TTLL9: variants seen among roughly 807,000 people sequenced by gnomAD.
The protein encoded by TTLL9 is tubulin tyrosine ligase like 9.
In TTLL9, 47 loss-of-function variants were observed where a neutral mutation model predicts 65.6. The observed-to-expected ratio is 0.72, with a 90% CI of 0.57 to 0.91. The LOEUF (loss-of-function observed/expected upper bound fraction) is 0.91, where lower values mean the gene tolerates loss of function less well. Ranked by LOEUF, TTLL9 falls within the 40% of genes least tolerant of loss-of-function variation. The pLI is 0.00. For synonymous variants in TTLL9, 179 were observed against 204.8 expected (o/e 0.87, Z 1.07); for missense variants, 537 against 568.8 (o/e 0.94, Z 0.57).
chr20:31,885,049 A>T (rs531556299), intron 2 of TTLL9, among the ~76,000 whole-genome samples: 78 of 152,360 alleles, frequency 5.1e-4, no homozygotes, highest in Admixed American at 3.3e-4. Flanking sequence ...ATAGAAAAAA[A>T]TTTTTAAAAG....
At chr20:31,923,128 A>T (rs1454344530) in intron 8 of TTLL9, 75 bp downstream of exon 8, 1 of 1,208,084 alleles carries the variant, frequency 8.3e-7, no homozygotes, top group African/African-American at 1.5e-5. Context: ...TTTGACCAGC[A>T]GCCTGCCAAG....
chr20:31,904,102 T>C (rs1166461965), intron 4 of TTLL9, among the ~76,000 whole-genome samples: 1 of 152,244 alleles, frequency 6.6e-6, no homozygotes, highest in Non-Finnish European at 1.5e-5. Flanking sequence ...TTGGCAAGAA[T>C]ACCACAGAAG....
chr20:31,908,203 ACG>A (rs140299749), intron 4 of TTLL9, among the ~76,000 whole-genome samples: 1,863 of 152,304 alleles, frequency 0.012, 27 homozygotes, highest in African/African-American at 0.042. Flanking sequence ...TGCGGGCTGC[ACG>A]CGTGGCAACT....
At position 31,871,171 on chromosome 20, in the gene TTLL9, C is replaced by G; in HGVS notation, c.45C>G (p.Ala15=). Residue 15 remains alanine, a synonymous_variant, in exon 2 of 15, where the codon GCC becomes GCG. Transcript: ENST00000535842. Reference sequence around the variant, plus strand: ...CTCTGCTGGGACCAGGCACAACTGCCATTAGGTGCCCCAAGAAATTACAGG... The same window carrying G: ...CTCTGCTGGGACCAGGCACAACTGCGATTAGGTGCCCCAAGAAATTACAGG... The part of the protein sequence containing the change: ...REALLGPGTT[A]IRCPKKLQNQ... The G allele has an allele frequency of 6.2e-7, 1 of 1,614,118 alleles. No homozygotes were observed. Among genetic ancestry groups the G allele is most frequent in the South Asian group, 1.1e-5 (1 of 91,080 alleles).
intron 3 of TTLL9, among the ~76,000 whole-genome samples, chr20:31,890,240 T>G (rs1397564645): frequency 1.3e-5 from 2 of 148,768 alleles, no homozygotes; most frequent in African/African-American, 5.0e-5. Context: ...TCCCAGGAAC[T>G]TACCCTTTCT....
intron 2 of TTLL9, among the ~76,000 whole-genome samples, chr20:31,885,913 C>T (rs899324847): frequency 4.6e-5 from 7 of 152,226 alleles, no homozygotes; most frequent in African/African-American, 1.4e-4. Flanking sequence ...AACAAATTTG[C>T]ATGTTGTGAA....
intron 4 of TTLL9, among the ~76,000 whole-genome samples, chr20:31,902,854 T>C (rs942807899): frequency 2.6e-5 from 4 of 152,062 alleles, no homozygotes; most frequent in African/African-American, 9.7e-5. Context: ...CTCGTTATTA[T>C]TCATCCATTT....
chr20:31,901,135 C>T (rs1377118192), intron 4 of TTLL9: 1 of 152,310 alleles, frequency 6.6e-6, no homozygotes, highest in Non-Finnish European at 1.5e-5. Context: ...CAGATGTGGC[C>T]AGAGCTGTCC....
At chr20:31,919,812 C>A (rs1462900785) in intron 6 of TTLL9, 52 bp from the exon 7 acceptor site, 2 of 1,465,988 alleles carry the variant, frequency 1.4e-6, no homozygotes, top group Non-Finnish European at 1.8e-6. Context: ...CGGGGGCCAA[C>A]AAGGAACCAC....
At chr20:31,942,649 C>T (rs1341593153) in intron 14 of TTLL9, among the ~76,000 whole-genome samples, 1 of 152,226 alleles carries the variant, frequency 6.6e-6, no homozygotes, top group Non-Finnish European at 1.5e-5. Context: ...ACAAATCCAT[C>T]CACATTCAGC....
intron 14 of TTLL9, chr20:31,940,899 G>T (rs6058497): frequency 0.35 from 53,907 of 151,984 alleles, 11,571 homozygotes; most frequent in African/African-American, 0.6. Context: ...ATTTGCTGGT[G>T]TAGCCCAGTC....
chr20:31,931,134 C>T (rs2064002383), intron 10 of TTLL9, among the ~76,000 whole-genome samples: 1 of 144,514 alleles, frequency 6.9e-6, no homozygotes, highest in African/African-American at 2.6e-5. Flanking sequence ...GGCTGGAGTG[C>T]AGTGGCACAA....
chr20:31,903,776 C>G (rs1393005062), intron 4 of TTLL9, among the ~76,000 whole-genome samples: 1 of 152,168 alleles, frequency 6.6e-6, no homozygotes, highest in Non-Finnish European at 1.5e-5. Flanking sequence ...GTTTTACCAC[C>G]TTTCCCTGTT....
At chr20:31,890,100 C>CCCTT (rs1286424316) in intron 3 of TTLL9, among the ~76,000 whole-genome samples, 2,380 of 49,638 alleles carry the variant, frequency 0.048, 235 homozygotes, top group Middle Eastern at 0.088. Flanking sequence ...TTCTTTCCCT[C>CCCTT]CCTTCCTTCC....
intron 3 of TTLL9, among the ~76,000 whole-genome samples, chr20:31,892,993 G>A (rs898891139): frequency 6.6e-6 from 1 of 151,898 alleles, no homozygotes; most frequent in African/African-American, 2.4e-5. Context: ...TTAAGACATG[G>A]AAGAAAGTAT....
At position 31,870,906 on chromosome 20, in the gene TTLL9, G is replaced by C. The variant is rs1160089615; in HGVS notation, c.-49G>C. On this transcript the variant is annotated 5_prime_UTR_variant, in exon 1 of 15. Coordinates refer to ENST00000535842, the MANE Select transcript of TTLL9 (RefSeq NM_001008409.5). The surrounding 1 kb of genome is among the most constrained non-coding windows in gnomAD (Gnocchi z 6.6). ...AACGTGACGGGGCTGGACTTTGATC[G>C]CCGAGGGCTCTCTGCTCTTCAGAGT... The C allele has an allele frequency of 5.2e-6, 3 of 580,756 alleles. No individual in the cohort carries two copies. The highest frequency in any genetic ancestry group is 9.2e-6 in the Non-Finnish European group (3 of 326,854). The allele number at this position is 580,756 out of a possible 1,614,324, so 36.0% of individuals were successfully genotyped here.
intron 8 of TTLL9, 129 bp from the exon 9 acceptor site, chr20:31,924,880 T>A: frequency 1.0e-6 from 1 of 1,002,136 alleles, no homozygotes; most frequent in East Asian, 2.7e-5. Context: ...CCTAGCCCCT[T>A]GTGTAGTTTC....
intron 6 of TTLL9, among the ~76,000 whole-genome samples, chr20:31,919,283 C>G (rs1281835176): frequency 6.6e-6 from 1 of 152,116 alleles, no homozygotes; most frequent in Non-Finnish European, 1.5e-5. Context: ...TATCCTGTAA[C>G]AAAATGGGCT....
chr20:31,891,991 T>C (rs2063314180), intron 3 of TTLL9, among the ~76,000 whole-genome samples: 1 of 151,706 alleles, frequency 6.6e-6, no homozygotes, highest in South Asian at 2.1e-4. Flanking sequence ...TTAGTACAGA[T>C]GGGGTTTCAC....
Sources: gnomAD v4.1 joint callset for allele counts (sites outside exome capture counted in the v4.1 genomes callset) on GRCh38, gnomAD v4.1.1 for gene constraint, Gnocchi (gnomAD v3.1) non-coding constraint, MANE v1.5 for transcripts, NCBI Gene and HGNC (gene_info 2026-07-23, HGNC 2026-07-21) for gene names.